PTPN3: variants seen among roughly 807,000 people sequenced by gnomAD.
The protein encoded by PTPN3 is protein tyrosine phosphatase non-receptor type 3.
In PTPN3, 96 loss-of-function variants were observed where a neutral mutation model predicts 132.7. The observed-to-expected ratio is 0.72, with a 90% CI of 0.61 to 0.86. The LOEUF is 0.86. PTPN3 is among the 40% of genes least tolerant of loss of function. PTPN3 has a pLI of 0.00. For missense variants in PTPN3, 1,125 were observed against 1,159.6 expected (o/e 0.97, Z 0.43); for synonymous variants, 398 against 429.0 (o/e 0.93, Z 0.89).
At chr9:109,487,463 A>G (rs984064467) in intron 1 of PTPN3, among the ~76,000 whole-genome samples, 1 of 152,236 alleles carries the variant, frequency 6.6e-6, no homozygotes, top group African/African-American at 2.4e-5. Context: ...CTTGTTAGAA[A>G]TGCAAACCTT....
intron 18 of PTPN3, 34 bp downstream of exon 18, chr9:109,406,427 CT>C (rs1489735789): frequency 1.6e-5 from 26 of 1,603,276 alleles, no homozygotes; most frequent in Non-Finnish European, 2.1e-5. Context: ...GCTAGGACAG[CT>C]TCCCTATGGC....
At position 109,450,144 on chromosome 9, in the gene PTPN3, G is replaced by A. The variant is rs181772185; in HGVS notation, c.369-1289C>T. ...GGCTAAAAAGCTTAGGATCCATGTCGTAACTCTAATATTATTACTTTGATT... is the reference window on the plus strand; with the variant it reads ...GGCTAAAAAGCTTAGGATCCATGTCATAACTCTAATATTATTACTTTGATT... On this transcript the variant is annotated intron_variant, in intron 5 of 25. Transcript: ENST00000374541. The A allele has an allele frequency of 8.0e-5, 79 of 984,284 alleles. No individual in the cohort carries two copies. The African/African-American group carries it at 1.2e-3, about 15-fold the overall frequency. The allele number at this position is 984,284 out of a possible 1,614,324, so 61.0% of individuals were successfully genotyped here. A position where few individuals can be genotyped will look rare whatever the true frequency, so the allele number is the denominator to read the frequency against.
Position 109,377,448 on chromosome 9 carries a change from ACACACACAC to A in PTPN3, c.*2099_*2107del, listed in dbSNP as rs1256040094. ...CACACACACACACACACACACACAC[ACACACACAC>A]AAGCCAGGTGAGGTGGCATGTGCCT... On this transcript the variant is annotated 3_prime_UTR_variant, in exon 26 of 26. Transcript: ENST00000374541. The A allele has an allele frequency of 1.5e-4, 21 of 136,302 alleles. No homozygotes were observed. Among genetic ancestry groups the A allele is most frequent in the African/African-American group, 3.8e-4 (14 of 36,852 alleles). 8.4% of individuals were successfully genotyped at this position (136,302 alleles called of 1,614,324 possible).
chr9:109,406,534 G>A lies in PTPN3; in HGVS notation c.1720C>T (p.Gln574Ter). Reference protein sequence around the residue: ...GRDISEHTHDQVVMFIKASRE... With the variant: ...GRDISEHTHD ...CTGGCTTTGATGAACATCACCACTT[G>A]GTCATGCGTGTGTTCTGAGATGTCC... The change falls in exon 18 of 26, where the codon CAA becomes TAA. Residue 574 changes from glutamine to a stop codon, truncating the protein, a stop_gained. Coordinates refer to ENST00000374541, the MANE Select transcript of PTPN3 (RefSeq NM_002829.4). LOFTEE classifies it high-confidence loss of function. 1 of 1,614,142 alleles carries A rather than the reference G, an allele frequency of 6.2e-7. No individual in the cohort carries two copies. The highest frequency in any genetic ancestry group is 8.5e-7 in the Non-Finnish European group (1 of 1,180,016).
intron 23 of PTPN3, among the ~76,000 whole-genome samples, chr9:109,382,851 G>C (rs1228269880): frequency 6.7e-6 from 1 of 150,286 alleles, no homozygotes; most frequent in Non-Finnish European, 1.5e-5. Flanking sequence ...GAGAATACTC[G>C]CAATGTTGTA....
rs199740191 is a variant in PTPN3, at chr9:109,463,321, G to A, written c.114C>T (p.Gly38=). The change falls in exon 2 of 26, where the codon GGC becomes GGT. Residue 38 remains glycine, a synonymous_variant. Coordinates refer to ENST00000374541, the MANE Select transcript of PTPN3 (RefSeq NM_002829.4). ...EVICSIHFLD[G]VVQTFKVTKQ... is the part of the protein sequence containing the mutation. ...CAGTAACTTTAAAGGTCTGTACCACGCCATCTAAAAAGTGGATGCTGCAAA... is the reference window on the plus strand; with the variant it reads ...CAGTAACTTTAAAGGTCTGTACCACACCATCTAAAAAGTGGATGCTGCAAA... 398 of 1,612,846 alleles carry A rather than the reference G, an allele frequency of 2.5e-4. No homozygotes were observed. The highest frequency in any genetic ancestry group is 3.2e-4 in the Non-Finnish European group (374 of 1,179,670).
At chr9:109,432,964 C>G in intron 10 of PTPN3, 109 bp downstream of exon 10, 2 of 1,473,142 alleles carry the variant, frequency 1.4e-6, no homozygotes, top group Non-Finnish European at 1.8e-6. Context: ...GGGAGGCACT[C>G]TCTATCTTTT....
chr9:109,507,578 C>T, the PTPN3 span, among the ~76,000 whole-genome samples: 1 of 152,228 alleles, frequency 6.6e-6, no homozygotes, highest in Non-Finnish European at 1.5e-5. Context: ...TCATTTTTTC[C>T]ATGGTACACA....
intron 19 of PTPN3, among the ~76,000 whole-genome samples, chr9:109,391,982 G>A (rs1355865670): frequency 2.0e-5 from 3 of 151,140 alleles, no homozygotes; most frequent in African/African-American, 7.3e-5. Flanking sequence ...CTTTAAGAAC[G>A]AGAGCATTTC....
At chr9:109,393,682 C>A (rs1840327063) in intron 19 of PTPN3, among the ~76,000 whole-genome samples, 1 of 152,048 alleles carries the variant, frequency 6.6e-6, no homozygotes, top group Admixed American at 6.5e-5. Context: ...ATACATATAA[C>A]CAAGTTGCCC....
the PTPN3 span, chr9:109,533,772 G>A: frequency 7.6e-7 from 1 of 1,316,222 alleles, no homozygotes; most frequent in East Asian, 2.3e-5. Flanking sequence ...CTGCTGTAGG[G>A]CCGGCGTGGT....
In PTPN3 at chr9:109,377,300, C is replaced by T. The variant is rs1047232838; in HGVS notation, c.*2256G>A. The stretch of plus-strand genomic sequence containing the variant: ...GTTAGGCTGGGCACAGTGGCTCACG[C>T]CTATAATCCCAACAGTTTTGGAGGC... On this transcript the variant is annotated 3_prime_UTR_variant, in exon 26 of 26. Coordinates refer to ENST00000374541, the MANE Select transcript of PTPN3 (RefSeq NM_002829.4). 1 of 152,128 alleles carries T rather than the reference C, an allele frequency of 6.6e-6. No homozygotes were observed. The highest frequency in any genetic ancestry group is 1.5e-5 in the Non-Finnish European group (1 of 68,114). 9.4% of individuals were successfully genotyped at this position (152,128 alleles called of 1,614,324 possible).
At chr9:109,381,933 A>C in intron 24 of PTPN3, 146 bp from the exon 25 acceptor site, 1 of 926,682 alleles carries the variant, frequency 1.1e-6, no homozygotes, top group Non-Finnish European at 1.6e-6. Context: ...GTGCTCTCAA[A>C]CAGGCTGAGA....
chr9:109,475,575 T>C (rs1329002055), intron 1 of PTPN3, among the ~76,000 whole-genome samples: 5 of 152,212 alleles, frequency 3.3e-5, no homozygotes, highest in African/African-American at 4.8e-5. Context: ...CAGGATGGAA[T>C]ACATTTACTC....
the PTPN3 span, among the ~76,000 whole-genome samples, chr9:109,525,356 C>G: frequency 6.6e-6 from 1 of 152,238 alleles, no homozygotes; most frequent in African/African-American, 2.4e-5. Flanking sequence ...CTGCACCTAG[C>G]TGTTATAGAC....
chr9:109,414,497 A>G (rs569371130), intron 14 of PTPN3, among the ~76,000 whole-genome samples: 1 of 152,312 alleles, frequency 6.6e-6, no homozygotes, highest in African/African-American at 2.4e-5. Context: ...CTCCTCACAT[A>G]AGGGTCCTTG....
chr9:109,538,026 C>T, the PTPN3 span, among the ~76,000 whole-genome samples: 3 of 152,162 alleles, frequency 2.0e-5, no homozygotes, highest in South Asian at 2.1e-4. Context: ...CCTAAAATTC[C>T]GGAATTTCTC....
At chr9:109,487,852 G>C (rs972845856) in intron 1 of PTPN3, among the ~76,000 whole-genome samples, 2 of 152,120 alleles carry the variant, frequency 1.3e-5, no homozygotes, top group Non-Finnish European at 2.9e-5. Flanking sequence ...CCAAGATCTG[G>C]GGGCTGGAAA....
chr9:109,457,146 C>A (rs184359659), intron 4 of PTPN3, 27 bp downstream of exon 4: 2 of 1,607,906 alleles, frequency 1.2e-6, no homozygotes, highest in Admixed American at 1.7e-5. Flanking sequence ...ACCTAATGTT[C>A]GACTGAAATG....
Sources: allele counts gnomAD v4.1 joint callset (sites outside exome capture counted in the v4.1 genomes callset), GRCh38; gene constraint gnomAD v4.1.1; transcripts MANE v1.5; gene names NCBI Gene and HGNC (gene_info 2026-07-23, HGNC 2026-07-21).